SRGN: variants seen among roughly 807,000 people sequenced by gnomAD.
SRGN encodes the protein serglycin.
SRGN carries 2 observed loss-of-function variants against 9.5 expected under a neutral mutation model. The ratio of observed to expected loss-of-function variants is 0.21; its 90% CI spans 0.09 to 0.66. SRGN has a LOEUF of 0.66. SRGN is among the 30% of genes least tolerant of loss of function. The pLI is 0.83. For synonymous variants in SRGN, 59 were observed against 72.3 expected (o/e 0.82, Z 0.93); for missense variants, 170 against 192.4 (o/e 0.88, Z 0.69).
chr10:69,090,641 C>T (rs529451823), intron 1 of SRGN, among the ~76,000 whole-genome samples: 2 of 152,280 alleles, frequency 1.3e-5, no homozygotes, highest in Non-Finnish European at 2.9e-5. Flanking sequence ...ATCTTAACTA[C>T]CTATATCTGC....
intron 1 of SRGN, among the ~76,000 whole-genome samples, chr10:69,096,196 C>T (rs990355253): frequency 6.6e-6 from 1 of 152,140 alleles, no homozygotes; most frequent in Admixed American, 6.5e-5. Flanking sequence ...GTGTTCCTTC[C>T]CCTTTCTGAA....
chr10:69,097,056 T>G, intron 1 of SRGN, 28 bp from the exon 2 acceptor site: 1 of 1,610,666 alleles, frequency 6.2e-7, no homozygotes, highest in Non-Finnish European at 8.5e-7. Context: ...TAGTAGATAC[T>G]TAGTAACAAT....
At chr10:69,091,948 T>C (rs1053111924) in intron 1 of SRGN, among the ~76,000 whole-genome samples, 1 of 141,120 alleles carries the variant, frequency 7.1e-6, no homozygotes, top group Admixed American at 7.1e-5. Context: ...AATTAGTATA[T>C]TGTGATTATG....
rs1196298047 is a variant in SRGN, at chr10:69,099,069, G to A, written c.227+1838G>A. The stretch of plus-strand genomic sequence containing the variant: ...AAACTTGCTTTAAACTTGCAAAAAA[G>A]ACCTGATATAAATTCATAAGTAACA... On this transcript the variant is annotated intron_variant, in intron 2 of 2. Coordinates refer to ENST00000242465, the MANE Select transcript of SRGN (RefSeq NM_002727.4). Among the ~76,000 whole-genome samples, 3 of 152,064 alleles carry A rather than the reference G, an allele frequency of 2.0e-5. No homozygotes were observed. The East Asian group carries it at 5.8e-4, about 29-fold the overall frequency.
chr10:69,089,634 G>T (rs867109754), intron 1 of SRGN, among the ~76,000 whole-genome samples: 2 of 151,488 alleles, frequency 1.3e-5, no homozygotes, highest in East Asian at 3.9e-4. Context: ...GGTGGCTCAC[G>T]CCTGTAATCC....
chr10:69,100,999 T>G lies in SRGN; in HGVS notation c.228-2872T>G, dbSNP rs1292763819. Among the ~76,000 whole-genome samples the G allele has an allele frequency of 3.9e-3, 588 of 151,382 alleles. 4 individuals are homozygous for G. Among genetic ancestry groups the G allele is most frequent in the African/African-American group, 0.013 (553 of 41,242 alleles). ...TTTCTTTCTTTCTTTTTTTTTTTTTTTTTACAGAGTCTCACTCTTGTTGCC... is the reference window on the plus strand; with the variant it reads ...TTTCTTTCTTTCTTTTTTTTTTTTTGTTTACAGAGTCTCACTCTTGTTGCC... On this transcript the variant is annotated intron_variant, in intron 2 of 2. Coordinates refer to ENST00000242465, the MANE Select transcript of SRGN (RefSeq NM_002727.4).
intron 1 of SRGN, among the ~76,000 whole-genome samples, chr10:69,096,723 C>T (rs1275194745): frequency 6.6e-6 from 1 of 152,156 alleles, no homozygotes; most frequent in East Asian, 1.9e-4. Flanking sequence ...TTCCTGTAAT[C>T]TCAGCACACT....
intron 2 of SRGN, among the ~76,000 whole-genome samples, chr10:69,097,479 T>A (rs1273781133): frequency 1.4e-5 from 2 of 142,364 alleles, no homozygotes; most frequent in Non-Finnish European, 3.0e-5. Flanking sequence ...CAGGCTGGAG[T>A]GCAGTGGCGC....
At position 69,104,246 on chromosome 10, in the gene SRGN, G is replaced by A; in HGVS notation, c.*126G>A. 2 of 1,260,140 alleles carry A rather than the reference G, an allele frequency of 1.6e-6. No homozygotes were observed. The highest frequency in any genetic ancestry group is 2.4e-5 in the East Asian group (1 of 41,060). The allele number at this position is 1,260,140 out of a possible 1,614,324, so 78.1% of individuals were successfully genotyped here. A position where few individuals can be genotyped will look rare whatever the true frequency, so the allele number is the denominator to read the frequency against. ...TTAAACATCTGAAAAAGAAGCTTAA[G>A]TTTTATCATCCTTTTTTTTCTCATG... On this transcript the variant is annotated 3_prime_UTR_variant, in exon 3 of 3. Coordinates refer to ENST00000242465, the MANE Select transcript of SRGN (RefSeq NM_002727.4).
chr10:69,094,518 T>C (rs2132155623), intron 1 of SRGN, among the ~76,000 whole-genome samples: 1 of 152,306 alleles, frequency 6.6e-6, no homozygotes, highest in South Asian at 2.1e-4. Context: ...CCCATGTCTG[T>C]TTATATAATT....
At position 69,097,175 on chromosome 10, in the gene SRGN, C is replaced by G; in HGVS notation, c.171C>G (p.Phe57Leu). The G allele has an allele frequency of 1.2e-6, 2 of 1,614,044 alleles. No homozygotes were observed. The highest frequency in any genetic ancestry group is 1.7e-6 in the Non-Finnish European group (2 of 1,179,962). Residue 57 changes from phenylalanine to leucine, a missense_variant, in exon 2 of 3, where the codon TTC (phenylalanine) becomes TTG (leucine). Coordinates refer to ENST00000242465, the MANE Select transcript of SRGN (RefSeq NM_002727.4). ...GCCTTGAAGAAAAAGGACCAATGTT[C>G]GAACTACTTCCAGGTGAATCCAACA... ...ANCLEEKGPMFELLPGESNKI... is the reference protein window; with the variant it reads ...ANCLEEKGPMLELLPGESNKI...
chr10:69,089,890 T>G (rs940183729), intron 1 of SRGN, among the ~76,000 whole-genome samples: 11 of 151,142 alleles, frequency 7.3e-5, no homozygotes, highest in African/African-American at 2.7e-4. Flanking sequence ...TGCAAGACTC[T>G]GTCAGAAAGA....
At chr10:69,097,015 A>C in intron 1 of SRGN, 69 bp from the exon 2 acceptor site, 2 of 1,510,282 alleles carry the variant, frequency 1.3e-6, no homozygotes, top group South Asian at 1.3e-5. Flanking sequence ...AAAAATAAAA[A>C]CTTCTTAGGA....
chr10:69,088,367 G>A, intron 1 of SRGN, 131 bp downstream of exon 1: 1 of 781,094 alleles, frequency 1.3e-6, no homozygotes, highest in Non-Finnish European at 2.1e-6. Context: ...AAGGATTTGG[G>A]GTCGCTGAAC....
chr10:69,099,542 C>T (rs191818524), intron 2 of SRGN, among the ~76,000 whole-genome samples: 1 of 152,048 alleles, frequency 6.6e-6, no homozygotes, highest in East Asian at 1.9e-4. Flanking sequence ...TAAACTCAAG[C>T]AGTCCTCCCA....
chr10:69,087,775 T>C (rs573165367), upstream of SRGN, among the ~76,000 whole-genome samples: 51 of 152,070 alleles, frequency 3.4e-4, no homozygotes, highest in African/African-American at 1.1e-3. Flanking sequence ...AGCAGATTCT[T>C]AATATTAGCA....
intron 1 of SRGN, among the ~76,000 whole-genome samples, chr10:69,091,879 CAAAAAAAAAAAAA>C (rs1177012248): frequency 0.033 from 1,039 of 31,748 alleles, 8 homozygotes; most frequent in Non-Finnish European, 0.041. Flanking sequence ...GACTCTGTCT[CAAAAAAAAAAAAA>C]AAAAAAAAAA....
At chr10:69,092,461 T>A (rs187989702) in intron 1 of SRGN, among the ~76,000 whole-genome samples, 217 of 152,304 alleles carry the variant, frequency 1.4e-3, no homozygotes, top group Admixed American at 2.4e-3. Flanking sequence ...GTTGAGATAG[T>A]GTTCACATAC....
chr10:69,093,299 T>C (rs1840103209), intron 1 of SRGN, among the ~76,000 whole-genome samples: 1 of 152,210 alleles, frequency 6.6e-6, no homozygotes, highest in African/African-American at 2.4e-5. Context: ...AACTTTTACA[T>C]TGATGATATG....
Sources: allele counts gnomAD v4.1 joint callset (sites outside exome capture counted in the v4.1 genomes callset), GRCh38; gene constraint gnomAD v4.1.1; transcripts MANE v1.5; gene names NCBI Gene and HGNC (gene_info 2026-07-23, HGNC 2026-07-21).